Variants in MCF2 observed in about 807,000 individuals in gnomAD.
MCF2 encodes the protein MCF.2 cell line derived transforming sequence.
MCF2 carries 44 observed loss-of-function variants against 82.5 expected under a neutral mutation model. The ratio of observed to expected loss-of-function variants is 0.53; its 90% CI spans 0.42 to 0.69. The LOEUF is 0.69. Among genes scored for constraint, MCF2 ranks in the 30% least tolerant of loss-of-function variants. The pLI is 0.00. For synonymous variants in MCF2, 217 were observed against 224.9 expected (o/e 0.96, Z 0.32); for missense variants, 623 against 663.1 (o/e 0.94, Z 0.66).
intron 1 of MCF2, among the ~76,000 whole-genome samples, chrX:139,654,416 C>T (rs929344235): frequency 5.4e-5 from 6 of 111,698 alleles, no homozygotes; most frequent in Non-Finnish European, 1.1e-4. Context: ...TTTTCATATA[C>T]CTGTTGGTCA....
chrX:139,669,026 A>C (rs1214860855), intron 1 of MCF2, among the ~76,000 whole-genome samples: 1 of 112,018 alleles, frequency 8.9e-6, no homozygotes. Flanking sequence ...ACAAATGTTT[A>C]AAATTATATA....
At chrX:139,603,095 C>T (rs1388527661) in intron 15 of MCF2, among the ~76,000 whole-genome samples, 3 of 112,029 alleles carry the variant, frequency 2.7e-5, no homozygotes, top group Non-Finnish European at 5.6e-5. Flanking sequence ...TGGATTTTCC[C>T]AGGACCATTT....
chrX:139,662,841 G>T (rs1388082573), intron 1 of MCF2, among the ~76,000 whole-genome samples: 4 of 110,813 alleles, frequency 3.6e-5, no homozygotes, highest in African/African-American at 1.3e-4. Context: ...GTCTTTTCAT[G>T]GTCTACTGCC....
At chrX:139,645,200 A>G (rs1173364897), upstream of MCF2, among the ~76,000 whole-genome samples, 2 of 110,644 alleles carry the variant, frequency 1.8e-5, no homozygotes, top group Non-Finnish European at 3.8e-5. Flanking sequence ...ATTGTTTTAA[A>G]CTTTCTTCTT....
chrX:139,617,918 G>T (rs1932052435), intron 7 of MCF2, among the ~76,000 whole-genome samples: 1 of 110,097 alleles, frequency 9.1e-6, no homozygotes, highest in Non-Finnish European at 1.9e-5. Context: ...ATAATTAGCT[G>T]CAGCAGTGAT....
chrX:139,623,739 G>T (rs188175553), intron 6 of MCF2, among the ~76,000 whole-genome samples: 1,292 of 111,719 alleles, frequency 0.012, 54 homozygotes, highest in Admixed American at 0.11. Context: ...TAAAATAAAA[G>T]TTGAAAGTTT....
At chrX:139,672,664 C>A (rs2059916716) in intron 1 of MCF2, among the ~76,000 whole-genome samples, 1 of 112,062 alleles carries the variant, frequency 8.9e-6, no homozygotes, top group Admixed American at 9.5e-5. Flanking sequence ...AGGGATGAAG[C>A]CAACTTGATC....
At chrX:139,615,186 A>C in intron 9 of MCF2, 134 bp from the exon 13 acceptor site, 1 of 508,115 alleles carries the variant, frequency 2.0e-6, no homozygotes, top group Non-Finnish European at 3.2e-6. Context: ...ATTTAGAAAA[A>C]TAACAAGACA....
intron 1 of MCF2, among the ~76,000 whole-genome samples, chrX:139,703,376 C>T (rs1569408188): frequency 9.0e-6 from 1 of 111,030 alleles, no homozygotes; most frequent in Non-Finnish European, 1.9e-5. Context: ...AGATAAGAGA[C>T]ATGAAGAATA....
chrX:139,590,042 A>C (rs772322602), intron 19 of MCF2, 115 bp from the exon 24 acceptor site: 9 of 441,818 alleles, frequency 2.0e-5, no homozygotes, highest in Admixed American at 4.8e-5. Context: ...AGAAAAATAC[A>C]TGTTATATTA....
upstream of MCF2, among the ~76,000 whole-genome samples, chrX:139,644,326 C>A (rs938620822): frequency 2.7e-5 from 3 of 112,015 alleles, no homozygotes; most frequent in African/African-American, 9.7e-5. Flanking sequence ...AATGTGATTT[C>A]ATCATCTATA....
chrX:139,615,012 C>G, exon 10 of MCF2: 1 of 1,208,854 alleles, frequency 8.3e-7, no homozygotes. Context: ...AAATATACTT[C>G]GAATGTTTTC....
At chrX:139,688,600 T>C (rs971680919) in intron 1 of MCF2, among the ~76,000 whole-genome samples, 1 of 112,328 alleles carries the variant, frequency 8.9e-6, no homozygotes, top group Non-Finnish European at 1.9e-5. Context: ...ATTATGTAAG[T>C]TATCTGAGGT....
chrX:139,594,544 T>C (rs1929860000), intron 19 of MCF2, among the ~76,000 whole-genome samples: 2 of 110,770 alleles, frequency 1.8e-5, no homozygotes, highest in Admixed American at 1.9e-4. Context: ...TGAAACTGGA[T>C]CCCTTCCTTA....
intron 1 of MCF2, among the ~76,000 whole-genome samples, chrX:139,692,411 T>TGGGGCTCTGGCGG (rs1935293924): frequency 9.1e-6 from 1 of 110,475 alleles, no homozygotes; most frequent in Admixed American, 9.4e-5. Flanking sequence ...GTTAAGAGTT[T>TGGGGCTCTGGCGG]GGGGCTCTGG....
At chrX:139,619,997 TTGTGTGTGTG>T (rs57662065) in intron 6 of MCF2, among the ~76,000 whole-genome samples, 6 of 93,396 alleles carry the variant, frequency 6.4e-5, no homozygotes, top group Non-Finnish European at 8.7e-5. Flanking sequence ...ATATATACAT[TTGTGTGTGTG>T]TGTGTGTGTG....
At chrX:139,634,476 T>C (rs769276530) in intron 1 of MCF2, among the ~76,000 whole-genome samples, 1 of 112,082 alleles carries the variant, frequency 8.9e-6, no homozygotes, top group African/African-American at 3.2e-5. Context: ...ATTTTCCTAA[T>C]TCAATTTGAG....
upstream of MCF2, among the ~76,000 whole-genome samples, chrX:139,644,929 A>G (rs1933750328): frequency 9.0e-6 from 1 of 111,653 alleles, no homozygotes; most frequent in African/African-American, 3.3e-5. Context: ...TGAAGTGTCA[A>G]ACAATTTTGT....
intron 19 of MCF2, among the ~76,000 whole-genome samples, chrX:139,590,136 C>T (rs1017572971): frequency 9.0e-6 from 1 of 111,121 alleles, no homozygotes; most frequent in Admixed American, 9.6e-5. Flanking sequence ...GTTCAGATTG[C>T]ACGCTTCATT....
Sources: gnomAD v4.1 joint callset for allele counts (sites outside exome capture counted in the v4.1 genomes callset) on GRCh38, gnomAD v4.1.1 for gene constraint, MANE v1.5 for transcripts, NCBI Gene and HGNC (gene_info 2026-07-23, HGNC 2026-07-21) for gene names.